The following TMED6 variants were observed in gnomAD, a reference collection of about 807,000 sequenced individuals.
TMED6 encodes the protein transmembrane emp24 domain-containing protein 6.
TMED6 carries 17 observed loss-of-function variants against 26.5 expected under a neutral mutation model. The ratio of observed to expected loss-of-function variants is 0.64; its 90% CI spans 0.44 to 0.96. The LOEUF is 0.96. Ranked by LOEUF, TMED6 falls within the 40% of genes least tolerant of loss-of-function variation. The probability of loss-of-function intolerance (pLI) is 0.00; values close to 1 mark genes in which losing one functional copy is unlikely to be tolerated. For missense variants in TMED6, 309 were observed against 296.5 expected, an observed-to-expected ratio of 1.04 and a Z score of -0.31; for synonymous variants, 107 against 106.2, an observed-to-expected ratio of 1.01 and a Z score of -0.04.
intron 3 of TMED6, 66 bp from the exon 4 acceptor site, chr16:69,343,706 C>CT (rs1195173928): frequency 1.5e-5 from 19 of 1,271,242 alleles, no homozygotes; most frequent in Non-Finnish European, 2.0e-5. Flanking sequence ...TGAGCGCTCA[C>CT]TAGCACTAAC....
Position 69,343,640 on chromosome 16 carries a change from C to G in TMED6, c.490G>C (p.Asp164His), listed in dbSNP as rs1567436373. The change falls in exon 4 of 4, where the codon GAC becomes CAC. Residue 164 changes from aspartate (D) to histidine (H), a missense_variant and splice_region_variant. Asp to His is a moderately conservative substitution (Grantham distance 81). Coordinates refer to ENST00000288025, the MANE Select transcript of TMED6 (RefSeq NM_144676.4). ...TTGTTCTGCACCTTTTGTGTGCCGT[C>G]CTATGAGAGAGACAATTTTAAGGGG... Reference protein sequence around the residue: ...QLNDTLDAIEDGTQKVQNNIF... With the variant: ...QLNDTLDAIEHGTQKVQNNIF... 6.2e-7 allele frequency: 1 copy of G among 1,609,558 alleles called. No homozygotes were observed.
Position 69,343,507 on chromosome 16 carries a change from T to C in TMED6, c.623A>G (p.Gln208Arg). ...CCCAGAAAGAATAATAACAAGGCTC[T>C]GGGCTGTCGACCACCAGTTCACGTA... The part of the protein sequence containing the change: ...YNYVNWWSTA[Q>R]SLVIILSGIL... Residue 208 changes from glutamine (Q) to arginine (R), a missense_variant, in exon 4 of 4, where the codon CAG becomes CGG. By Grantham distance (43) the Gln-to-Arg change is conservative. Coordinates refer to ENST00000288025, the MANE Select transcript of TMED6 (RefSeq NM_144676.4). 6.2e-7 allele frequency: 1 copy of C among 1,614,192 alleles called. No homozygotes were observed. Among genetic ancestry groups the C allele is most frequent in the Non-Finnish European group, 8.5e-7 (1 of 1,180,022 alleles).
intron 1 of TMED6, among the ~76,000 whole-genome samples, chr16:69,350,115 T>TA (rs1185689603): frequency 3.3e-5 from 5 of 151,500 alleles, no homozygotes; most frequent in Non-Finnish European, 7.4e-5. Flanking sequence ...ACTTAAAAAA[T>TA]ACAAAAATTA....
chr16:69,343,703 T>G lies in TMED6; in HGVS notation c.490-63A>C, dbSNP rs1395451792. ...CCCCCATCTAGCCTCACCTGAGCGCTCACTAGCACTAACCTATCTCAAGTC... is the reference window on the plus strand; with the variant it reads ...CCCCCATCTAGCCTCACCTGAGCGCGCACTAGCACTAACCTATCTCAAGTC... On this transcript the variant is annotated intron_variant, in intron 3 of 3. Transcript: ENST00000288025. The G allele has an allele frequency of 6.1e-6, 8 of 1,317,900 alleles. No individual in the cohort carries two copies. In the South Asian group the frequency reaches 9.7e-5, roughly 16 times the overall value. The allele number at this position is 1,317,900 out of a possible 1,614,324, so 81.6% of individuals were successfully genotyped here.
intron 2 of TMED6, 132 bp downstream of exon 2, chr16:69,349,393 G>C: frequency 1.7e-6 from 2 of 1,144,806 alleles, no homozygotes; most frequent in South Asian, 3.0e-5. Flanking sequence ...CAGCCTCCAG[G>C]AACACTGGTT....
At chr16:69,350,426 A>G (rs1389912633) in intron 1 of TMED6, among the ~76,000 whole-genome samples, 2 of 151,748 alleles carry the variant, frequency 1.3e-5, no homozygotes, top group African/African-American at 4.8e-5. Context: ...CAGCCACCCA[A>G]GTAGCTGGGA....
rs2012617770 is a variant in TMED6 at position 69,343,477 on chromosome 16, A to T, written c.653T>A (p.Leu218Gln). The part of the protein sequence containing the change: ...QSLVIILSGI[L>Q]QLYFLKRLFN... ...GAGACGCTTCAAGAAATACAGTTGC[A>T]GGATCCCAGAAAGAATAATAACAAG... Residue 218 changes from leucine (L) to glutamine (Q), a missense_variant, in exon 4 of 4, where the codon CTG (leucine) becomes CAG (glutamine). Transcript: ENST00000288025. 5 of 1,614,214 alleles carry T rather than the reference A, an allele frequency of 3.1e-6. No homozygotes were observed. Among genetic ancestry groups the T allele is most frequent in the Non-Finnish European group, 4.2e-6 (5 of 1,180,032 alleles).
intron 1 of TMED6, among the ~76,000 whole-genome samples, chr16:69,351,219 T>A (rs2012770732): frequency 6.6e-6 from 1 of 152,216 alleles, no homozygotes; most frequent in Non-Finnish European, 1.5e-5. Context: ...TTTGTTTTAA[T>A]ATATTAAAAA....
At chr16:69,343,718 T>C in intron 3 of TMED6, 78 bp from the exon 4 acceptor site, 1 of 1,094,042 alleles carries the variant, frequency 9.1e-7, no homozygotes, top group Non-Finnish European at 1.4e-6. Flanking sequence ...AGCACTAACC[T>C]ATCTCAAGTC....
intron 2 of TMED6, 121 bp from the exon 3 acceptor site, chr16:69,348,057 A>C: frequency 4.9e-6 from 5 of 1,025,952 alleles, no homozygotes; most frequent in Non-Finnish European, 4.3e-6. Context: ...TTACTTAGAA[A>C]GTACAAAGAT....
rs535493304 is a variant in TMED6, at chr16:69,343,649, G to C, written c.490-9C>G. ...ACCTTTTGTGTGCCGTCCTATGAGA[G>C]AGACAATTTTAAGGGGGATTCTTCC... On this transcript the variant is annotated splice_polypyrimidine_tract_variant and intron_variant, in intron 3 of 3. Transcript: ENST00000288025. 4.4e-6 allele frequency: 7 copies of C among 1,608,138 alleles called. No homozygotes were observed. In the African/African-American group the frequency reaches 8.0e-5, roughly 18 times the overall value.
chr16:69,349,489 A>G, intron 2 of TMED6, 36 bp downstream of exon 2: 1 of 1,602,404 alleles, frequency 6.2e-7, no homozygotes, highest in Non-Finnish European at 8.5e-7. Context: ...ATAGGACCCT[A>G]TGATTATTAT....
chr16:69,351,620 G>C lies in TMED6; in HGVS notation c.134C>G (p.Ala45Gly), dbSNP rs1333837708. 1 of 1,613,972 alleles carries C rather than the reference G, an allele frequency of 6.2e-7. No individual in the cohort carries two copies. Among genetic ancestry groups the C allele is most frequent in the Non-Finnish European group, 8.5e-7 (1 of 1,180,032 alleles). The change falls in exon 1 of 4, where the codon GCC (alanine) becomes GGC (glycine). Residue 45 changes from alanine (A) to glycine (G), a missense_variant. Physicochemically the swap from Ala to Gly is moderately conservative, Grantham distance 60. Transcript: ENST00000288025. Reference protein sequence around the residue: ...LFRGADRYDFAIMIPPGGTEC... With the variant: ...LFRGADRYDFGIMIPPGGTEC... ...CGTGCCTCCTGGAGGTATCATGATG[G>C]CAAAGTCATATCGATCAGCTCCACG...
Position 69,343,514 on chromosome 16 carries a change from TC to T in TMED6, c.615del (p.Thr206GlnfsTer18), listed in dbSNP as rs756974016. On this transcript the variant is annotated frameshift_variant, in exon 4 of 4. Coordinates refer to ENST00000288025, the MANE Select transcript of TMED6 (RefSeq NM_144676.4). LOFTEE classifies it high-confidence loss of function. ...QSNYNYVNWWSTAQSLVIILS... is the reference protein window; with the variant it reads ...QSNYNYVNWWXTAQSLVIILS... ...AGAATAATAACAAGGCTCTGGGCTG[TC>T]GACCACCAGTTCACGTAGTTATAGT... is the stretch of plus-strand genomic sequence containing the variant. 6.2e-7 allele frequency: 1 copy of T among 1,614,152 alleles called. No homozygotes were observed. Among genetic ancestry groups the T allele is most frequent in the Non-Finnish European group, 8.5e-7 (1 of 1,180,030 alleles).
At chr16:69,347,745 T>A in intron 3 of TMED6, 43 bp downstream of exon 3, 1 of 1,607,918 alleles carries the variant, frequency 6.2e-7, no homozygotes, top group Non-Finnish European at 8.5e-7. Flanking sequence ...AAGTTAAAAA[T>A]CAGTTTCCAC....
At chr16:69,349,762 G>C in intron 1 of TMED6, 111 bp from the exon 2 acceptor site, 1 of 1,412,948 alleles carries the variant, frequency 7.1e-7, no homozygotes, top group Non-Finnish European at 9.6e-7. Flanking sequence ...TCTGTCTGGG[G>C]TGGGACTGCC....
intron 1 of TMED6, among the ~76,000 whole-genome samples, chr16:69,351,230 T>C: frequency 6.6e-6 from 1 of 152,156 alleles, no homozygotes; most frequent in East Asian, 1.9e-4. Flanking sequence ...ATATTAAAAA[T>C]GTATTCTCTC....
intron 1 of TMED6, among the ~76,000 whole-genome samples, chr16:69,351,242 CCT>C (rs2012771104): frequency 6.6e-6 from 1 of 152,118 alleles, no homozygotes; most frequent in Non-Finnish European, 1.5e-5. Flanking sequence ...TATTCTCTCC[CCT>C]CTCATCCCCA....
Position 69,347,884 on chromosome 16 carries a change from T to C in TMED6, c.393A>G (p.Gln131=), listed in dbSNP as rs2012711555. ...SNQHNHFGSV[Q]VYLNFGVFYE... ...AGAAGACCCCAAAGTTGAGGTACAC[T>C]TGCACAGAACCGAAGTGATTATGCT... Residue 131 remains glutamine, a synonymous_variant, in exon 3 of 4, where the codon CAA becomes CAG. Coordinates refer to ENST00000288025, the MANE Select transcript of TMED6 (RefSeq NM_144676.4). The C allele has an allele frequency of 1.9e-6, 3 of 1,614,184 alleles. No homozygotes were observed. In the East Asian group the frequency reaches 6.7e-5, roughly 36 times the overall value.
Sources: allele counts gnomAD v4.1 joint callset (sites outside exome capture counted in the v4.1 genomes callset), GRCh38; gene constraint gnomAD v4.1.1; transcripts MANE v1.5; gene names NCBI Gene and HGNC (gene_info 2026-07-23, HGNC 2026-07-21).